Variants in ZBTB20 observed in about 807,000 individuals in gnomAD.
ZBTB20 encodes the protein zinc finger and BTB domain-containing protein 20.
Under a neutral mutation model 56.9 loss-of-function variants are expected in ZBTB20, and 9 were observed. That is an observed-to-expected ratio of 0.16 (90% CI 0.10 to 0.28). ZBTB20 has a LOEUF of 0.28. Ranked by LOEUF, ZBTB20 falls within the 10% of genes least tolerant of loss-of-function variation. The probability of loss-of-function intolerance (pLI) is 1.00; values close to 1 mark genes in which losing one functional copy is unlikely to be tolerated. For missense variants in ZBTB20, 655 were observed against 1,003.0 expected (o/e 0.65, Z 4.69); for synonymous variants, 417 against 420.7 (o/e 0.99, Z 0.11).
At chr3:114,537,774 G>C (rs1445032868) in intron 6 of ZBTB20, among the ~76,000 whole-genome samples, 1 of 152,078 alleles carries the variant, frequency 6.6e-6, no homozygotes, top group East Asian at 1.9e-4. Flanking sequence ...AAGAAAATGT[G>C]GCATATACAC....
chr3:114,860,934 C>T (rs979774275), intron 4 of ZBTB20, among the ~76,000 whole-genome samples: 1 of 152,170 alleles, frequency 6.6e-6, no homozygotes. Flanking sequence ...GTCTTCCAAC[C>T]CTACAGGTTG....
At chr3:114,996,688 A>G (rs977315490) in intron 2 of ZBTB20, among the ~76,000 whole-genome samples, 3 of 151,878 alleles carry the variant, frequency 2.0e-5, no homozygotes, top group Non-Finnish European at 4.4e-5. Context: ...TTTATAACAT[A>G]CACATATGTC....
chr3:114,551,458 A>T (rs1466599329), intron 6 of ZBTB20, among the ~76,000 whole-genome samples: 2 of 152,224 alleles, frequency 1.3e-5, no homozygotes, highest in African/African-American at 4.8e-5. Context: ...TGGTATATAC[A>T]AGTCAATGAC....
intron 6 of ZBTB20, among the ~76,000 whole-genome samples, chr3:114,602,509 C>G (rs1303689029): frequency 2.0e-5 from 3 of 151,936 alleles, no homozygotes; most frequent in Non-Finnish European, 2.9e-5. Context: ...TTATTGTTCT[C>G]TAGTGGACTT....
Position 114,336,312 on chromosome 3 carries a change from T to G in ZBTB20, c.*2693A>C, listed in dbSNP as rs1296803818. On this transcript the variant is annotated 3_prime_UTR_variant, in exon 12 of 12. Transcript: ENST00000675478. ...CATAGTTAATTAATGCTCCCTCTAT[T>G]GGTGGTAAGTGGAAATATTAGTCTT... 2.6e-5 allele frequency: 4 copies of G among 152,190 alleles called. No homozygotes were observed. Among genetic ancestry groups the G allele is most frequent in the African/African-American group, 9.6e-5 (4 of 41,454 alleles). The allele number at this position is 152,190 out of a possible 1,614,324, so 9.4% of individuals were successfully genotyped here.
rs1185808737 is a variant in ZBTB20, at chr3:114,330,426, T to C, written c.*8579A>G. On this transcript the variant is annotated 3_prime_UTR_variant, in exon 12 of 12. Transcript: ENST00000675478. ...GTTGTTATATATAATGTGTATGTCC[T>C]AGGTTTCAGAAATACTGCAATGTAG... 6.6e-6 allele frequency: 1 copy of C among 152,226 alleles called. No individual in the cohort carries two copies. The highest frequency in any genetic ancestry group is 2.4e-5 in the African/African-American group (1 of 41,464). The allele number at this position is 152,226 out of a possible 1,614,324, so 9.4% of individuals were successfully genotyped here. A position where few individuals can be genotyped will look rare whatever the true frequency, so the allele number is the denominator to read the frequency against.
At chr3:114,677,079 G>A (rs1283308009) in intron 6 of ZBTB20, among the ~76,000 whole-genome samples, 1 of 152,068 alleles carries the variant, frequency 6.6e-6, no homozygotes, top group African/African-American at 2.4e-5. Flanking sequence ...CCAACTAGGG[G>A]ATTTTTATAA....
intron 7 of ZBTB20, among the ~76,000 whole-genome samples, chr3:114,488,093 A>G (rs544499494): frequency 6.6e-6 from 1 of 152,208 alleles, no homozygotes; most frequent in Non-Finnish European, 1.5e-5. Context: ...CCAAATAAAC[A>G]TAAATGTATG....
chr3:114,741,243 T>C (rs1035077983), intron 5 of ZBTB20, among the ~76,000 whole-genome samples: 3 of 152,282 alleles, frequency 2.0e-5, no homozygotes, highest in Middle Eastern at 3.4e-3. Context: ...TTCTTTTATG[T>C]GCCCCAAAGC....
intron 4 of ZBTB20, among the ~76,000 whole-genome samples, chr3:114,859,393 T>C (rs1385462787): frequency 6.6e-6 from 1 of 151,536 alleles, no homozygotes; most frequent in Non-Finnish European, 1.5e-5. Context: ...TCCTTCCTTC[T>C]TCCTTTTCTT....
chr3:114,410,640 A>G (rs1033842422), intron 7 of ZBTB20, among the ~76,000 whole-genome samples: 1 of 152,208 alleles, frequency 6.6e-6, no homozygotes, highest in African/African-American at 2.4e-5. Flanking sequence ...AAACTCTAGC[A>G]AGTGACCACA....
intron 7 of ZBTB20, among the ~76,000 whole-genome samples, chr3:114,490,208 T>C (rs1224672467): frequency 6.6e-6 from 1 of 151,852 alleles, no homozygotes; most frequent in Non-Finnish European, 1.5e-5. Flanking sequence ...TTACCCTTCT[T>C]ATATATATAT....
At chr3:115,067,047 AC>A (rs1472354806) in intron 2 of ZBTB20, among the ~76,000 whole-genome samples, 1 of 152,084 alleles carries the variant, frequency 6.6e-6, no homozygotes, top group Non-Finnish European at 1.5e-5. Flanking sequence ...ATTAAATATG[AC>A]CATAACAATA....
intron 2 of ZBTB20, among the ~76,000 whole-genome samples, chr3:114,993,460 A>C (rs1235291497): frequency 6.6e-6 from 1 of 151,868 alleles, no homozygotes; most frequent in Non-Finnish European, 1.5e-5. Flanking sequence ...CCTTTTGAAA[A>C]TTGCACATTC....
intron 5 of ZBTB20, among the ~76,000 whole-genome samples, chr3:114,727,105 T>C (rs2065362841): frequency 1.3e-5 from 2 of 151,972 alleles, no homozygotes; most frequent in South Asian, 4.1e-4. Context: ...GAAGATTACC[T>C]AGGGATCAAA....
chr3:115,033,982 CA>C (rs1017792471), intron 2 of ZBTB20, among the ~76,000 whole-genome samples: 1 of 151,336 alleles, frequency 6.6e-6, no homozygotes, highest in Non-Finnish European at 1.5e-5. Context: ...ACCACATTAA[CA>C]AAATAAAGGG....
At position 115,066,314 on chromosome 3, in the gene ZBTB20, T is replaced by C. The variant is rs188929693; in HGVS notation, c.-507+4905A>G. On this transcript the variant is annotated intron_variant, in intron 2 of 11. Coordinates refer to ENST00000675478, the MANE Select transcript of ZBTB20 (RefSeq NM_001348800.3). ...ACCACCCAGGTACTCGAGAAAAACA[T>C]CTTGAGAGTCATCCTAAACTTCTCT... Among the ~76,000 whole-genome samples, 11 of 152,142 alleles carry C rather than the reference T, an allele frequency of 7.2e-5. No individual in the cohort carries two copies. The East Asian group carries it at 1.7e-3, about 24-fold the overall frequency.
intron 2 of ZBTB20, among the ~76,000 whole-genome samples, chr3:115,021,586 G>A (rs1184184252): frequency 6.6e-6 from 1 of 150,794 alleles, no homozygotes; most frequent in African/African-American, 2.4e-5. Flanking sequence ...GCAAACTTGA[G>A]TCACTGTTCA....
At chr3:114,442,671 G>A (rs2091006474) in intron 7 of ZBTB20, among the ~76,000 whole-genome samples, 1 of 152,088 alleles carries the variant, frequency 6.6e-6, no homozygotes, top group South Asian at 2.1e-4. Flanking sequence ...CTTCTGACTT[G>A]AGCACACCCT....
Sources: gnomAD v4.1 joint callset for allele counts (sites outside exome capture counted in the v4.1 genomes callset) on GRCh38, gnomAD v4.1.1 for gene constraint, MANE v1.5 for transcripts, NCBI Gene and HGNC (gene_info 2026-07-23, HGNC 2026-07-21) for gene names.